The following FAP variants were observed in gnomAD, a reference collection of about 807,000 sequenced individuals.
FAP encodes fibroblast activation protein alpha, also known as prolyl endopeptidase FAP.
Under a neutral mutation model 126.5 loss-of-function variants are expected in FAP, and 110 were observed. The observed-to-expected ratio is 0.87, with a 90% CI of 0.74 to 1.02. The LOEUF (loss-of-function observed/expected upper bound fraction) is 1.02, where lower values mean the gene tolerates loss of function less well. Ranked by LOEUF, FAP falls within the 50% of genes least tolerant of loss-of-function variation. The probability of loss-of-function intolerance (pLI) is 0.00; values close to 1 mark genes in which losing one functional copy is unlikely to be tolerated. For missense variants in FAP, 919 were observed against 909.2 expected, an observed-to-expected ratio of 1.01 and a Z score of -0.14; for synonymous variants, 334 against 297.3, an observed-to-expected ratio of 1.12 and a Z score of -1.27.
intron 17 of FAP, among the ~76,000 whole-genome samples, chr2:162,190,769 A>G (rs1042627575): frequency 2.6e-5 from 4 of 152,086 alleles, no homozygotes; most frequent in Non-Finnish European, 5.9e-5. Context: ...CCTTTTTGAA[A>G]GAGTGGTCTC....
Position 162,174,936 on chromosome 2 carries a change from G to A in FAP, c.1900C>T (p.Leu634Phe). The stretch of plus-strand genomic sequence containing the variant: ...TTGAAAAGACCAGTTCCAGATGCAA[G>A]GGCCAGTGATGAAACGTATCCTCCA... The part of the protein sequence containing the change: ...SYGGYVSSLA[L>F]ASGTGLFKCG... The change falls in exon 22 of 26, where the codon CTT (leucine) becomes TTT (phenylalanine). Residue 634 changes from leucine to phenylalanine, a missense_variant. Leu to Phe is a conservative substitution (Grantham distance 22, BLOSUM62 0). Transcript: ENST00000188790. 1.9e-6 allele frequency: 3 copies of A among 1,612,688 alleles called. No homozygotes were observed. The highest frequency in any genetic ancestry group is 2.5e-6 in the Non-Finnish European group (3 of 1,179,032).
chr2:162,189,119 G>A lies in FAP; in HGVS notation c.1603C>T (p.Pro535Ser), dbSNP rs1408528176. 2.5e-6 allele frequency: 4 copies of A among 1,597,696 alleles called. No individual in the cohort carries two copies. In the East Asian group the frequency reaches 9.0e-5, roughly 36 times the overall value. ...PPQFDRSKKY[P>S]LLIQVYGGPC... ...ATTACATACACTTGAATTAGCAAGG[G>A]ATACTTCTTTGATCTGTCAAATTGA... The change falls in exon 19 of 26, where the codon CCC becomes TCC. Residue 535 changes from proline (P) to serine (S), a missense_variant. Pro to Ser is a moderately conservative substitution (Grantham distance 74). Coordinates refer to ENST00000188790, the MANE Select transcript of FAP (RefSeq NM_004460.5).
chr2:162,209,362 C>T (rs112237777), intron 12 of FAP, among the ~76,000 whole-genome samples: 3 of 152,030 alleles, frequency 2.0e-5, no homozygotes, highest in East Asian at 1.9e-4. Flanking sequence ...TTACCTCAAG[C>T]GTTATTTTAC....
chr2:162,233,180 T>C (rs1394511104), intron 2 of FAP, among the ~76,000 whole-genome samples: 1 of 152,126 alleles, frequency 6.6e-6, no homozygotes, highest in East Asian at 1.9e-4. Flanking sequence ...AATCAATATG[T>C]TTAATGCTAA....
Position 162,170,742 on chromosome 2 carries a change from G to A in FAP, c.*237C>T. The A allele has an allele frequency of 2.3e-6, 1 of 438,340 alleles. No individual in the cohort carries two copies. The highest frequency in any genetic ancestry group is 4.1e-6 in the Non-Finnish European group (1 of 243,962). 27.2% of individuals were successfully genotyped at this position (438,340 alleles called of 1,614,324 possible). A position where few individuals can be genotyped will look rare whatever the true frequency, so the allele number is the denominator to read the frequency against. On this transcript the variant is annotated 3_prime_UTR_variant, in exon 26 of 26. Coordinates refer to ENST00000188790, the MANE Select transcript of FAP (RefSeq NM_004460.5). ...TCAAATGAACAGGTGATAAAACACT[G>A]TGTCCAAAGCAAAATGCATGACTCC...
chr2:162,227,987 G>A lies in FAP; in HGVS notation c.92-1366C>T, dbSNP rs529066326. ...ACAACACTCCTCTTGGTTTGTAATC[G>A]TGTGTATATTTGAGTGATTATTTGA... On this transcript the variant is annotated intron_variant, in intron 2 of 25. Coordinates refer to ENST00000188790, the MANE Select transcript of FAP (RefSeq NM_004460.5). Among the ~76,000 whole-genome samples the A allele has an allele frequency of 8.5e-5, 13 of 152,166 alleles. No individual in the cohort carries two copies. The South Asian group carries it at 1.2e-3, about 15-fold the overall frequency.
At chr2:162,221,431 G>T (rs948935031) in intron 6 of FAP, among the ~76,000 whole-genome samples, 2 of 151,728 alleles carry the variant, frequency 1.3e-5, no homozygotes, top group Non-Finnish European at 2.9e-5. Flanking sequence ...AGGCTGAGGC[G>T]GGAGAATTGC....
intron 2 of FAP, among the ~76,000 whole-genome samples, chr2:162,237,377 G>A (rs552135910): frequency 4.7e-5 from 7 of 150,110 alleles, no homozygotes; most frequent in East Asian, 2.0e-4. Context: ...CTAGTCCCCC[G>A]ACCCCCCAAC....
intron 8 of FAP, among the ~76,000 whole-genome samples, chr2:162,218,450 C>T (rs73973049): frequency 0.071 from 10,778 of 151,794 alleles, 1,282 homozygotes; most frequent in African/African-American, 0.25. Context: ...GTTTTTTAGT[C>T]ACCTAAGATA....
intron 16 of FAP, among the ~76,000 whole-genome samples, chr2:162,197,167 G>T (rs1025159997): frequency 3.3e-5 from 5 of 152,198 alleles, no homozygotes; most frequent in African/African-American, 1.2e-4. Context: ...CATAAAACCA[G>T]CTTTTTTGGT....
intron 11 of FAP, among the ~76,000 whole-genome samples, chr2:162,212,789 T>A (rs949708866): frequency 2.0e-5 from 3 of 152,196 alleles, no homozygotes; most frequent in Admixed American, 2.0e-4. Context: ...AATATCCTAT[T>A]TAAAGAAAAT....
At chr2:162,172,603 C>A in intron 25 of FAP, 1 of 514,068 alleles carries the variant, frequency 1.9e-6, no homozygotes, top group Non-Finnish European at 3.5e-6. Context: ...CATGACTCAA[C>A]TGGGAACACG....
At chr2:162,204,354 T>C (rs1011343987) in intron 12 of FAP, among the ~76,000 whole-genome samples, 3 of 152,192 alleles carry the variant, frequency 2.0e-5, no homozygotes, top group African/African-American at 7.2e-5. Context: ...GTGGACTGAG[T>C]TCCCCAAAAA....
rs759032407 is a variant in FAP at position 162,194,734 on chromosome 2, T to TG, written c.1416dup (p.Ile473HisfsTer6). The TG allele has an allele frequency of 5.6e-6, 9 of 1,613,388 alleles. No individual in the cohort carries two copies. Among genetic ancestry groups the TG allele is most frequent in the Non-Finnish European group, 7.6e-6 (9 of 1,179,676 alleles). ...GTGCGTCCATCATGAAGGGTGGAAA[T>TG]GGGGATGCCTGGGCCTGTGGGCAGG... is the stretch of plus-strand genomic sequence containing the variant. On this transcript the variant is annotated frameshift_variant, in exon 17 of 26. Transcript: ENST00000188790. LOFTEE classifies it high-confidence loss of function.
Position 162,188,157 on chromosome 2 carries a change from G to A in FAP, c.1814+12C>T, listed in dbSNP as rs1243456917. 1 of 1,605,894 alleles carries A rather than the reference G, an allele frequency of 6.2e-7. No individual in the cohort carries two copies. The highest frequency in any genetic ancestry group is 8.5e-7 in the Non-Finnish European group (1 of 1,173,624). Reference sequence around the variant, plus strand: ...TGCATGTTGACATCTGCTTGAATGAGAAGGTGCTCACCTGACAGCTGTAAT... The same window carrying A: ...TGCATGTTGACATCTGCTTGAATGAAAAGGTGCTCACCTGACAGCTGTAAT... On this transcript the variant is annotated intron_variant, in intron 20 of 25. Coordinates refer to ENST00000188790, the MANE Select transcript of FAP (RefSeq NM_004460.5).
At chr2:162,192,669 T>C (rs1688093048) in intron 17 of FAP, among the ~76,000 whole-genome samples, 1 of 152,130 alleles carries the variant, frequency 6.6e-6, no homozygotes, top group African/African-American at 2.4e-5. Context: ...TCCAAAATGA[T>C]GTCACTACAG....
At chr2:162,195,898 T>C (rs1229255891) in intron 16 of FAP, among the ~76,000 whole-genome samples, 1 of 152,114 alleles carries the variant, frequency 6.6e-6, no homozygotes, top group Admixed American at 6.6e-5. Flanking sequence ...ACCTTCTATG[T>C]GGAGGGAACC....
intron 14 of FAP, among the ~76,000 whole-genome samples, chr2:162,201,243 T>C (rs1241319434): frequency 1.4e-5 from 2 of 141,874 alleles, no homozygotes; most frequent in Non-Finnish European, 2.9e-5. Flanking sequence ...CTGTCATTAT[T>C]TTTCCCCCAC....
At chr2:162,236,983 C>T (rs1284803491) in intron 2 of FAP, among the ~76,000 whole-genome samples, 1 of 152,038 alleles carries the variant, frequency 6.6e-6, no homozygotes, top group Non-Finnish European at 1.5e-5. Context: ...TAAATCATAA[C>T]CTGTATTTAA....
Sources: allele counts gnomAD v4.1 joint callset (sites outside exome capture counted in the v4.1 genomes callset), GRCh38; gene constraint gnomAD v4.1.1; transcripts MANE v1.5; gene names NCBI Gene and HGNC (gene_info 2026-07-23, HGNC 2026-07-21).